Variants in CTNND2 observed in about 807,000 individuals in gnomAD.
The protein encoded by CTNND2 is catenin delta-2.
A neutral mutation model predicts 144.4 loss-of-function variants in CTNND2; 22 were observed. The observed-to-expected ratio is 0.15, with a 90% CI of 0.11 to 0.22. The LOEUF is 0.22. Among genes scored for constraint, CTNND2 ranks in the 10% least tolerant of loss-of-function variants. The pLI, the probability that CTNND2 is intolerant of heterozygous loss-of-function variation, is 1.00. For synonymous variants in CTNND2, 751 were observed against 695.6 expected (o/e 1.08, Z -1.25); for missense variants, 1,353 against 1,618.8 (o/e 0.84, Z 2.82).
chr5:11,887,586 A>G (rs1403587788), intron 1 of CTNND2, among the ~76,000 whole-genome samples: 1 of 152,144 alleles, frequency 6.6e-6, no homozygotes, highest in Non-Finnish European at 1.5e-5. Flanking sequence ...AATTTCTCCT[A>G]TTATAAGCAT....
At chr5:11,379,953 T>C (rs969564801) in intron 7 of CTNND2, among the ~76,000 whole-genome samples, 13 of 152,014 alleles carry the variant, frequency 8.6e-5, no homozygotes, top group African/African-American at 2.4e-4. Flanking sequence ...GAGCTGCCAG[T>C]TGTCTTCCCC....
chr5:11,759,639 T>A (rs959934890), intron 1 of CTNND2, among the ~76,000 whole-genome samples: 4 of 152,142 alleles, frequency 2.6e-5, no homozygotes, highest in Non-Finnish European at 4.4e-5. Flanking sequence ...ATGCTAAAGA[T>A]TATCTATACA....
chr5:11,796,671 T>C (rs1008483804), intron 1 of CTNND2, among the ~76,000 whole-genome samples: 9 of 152,192 alleles, frequency 5.9e-5, no homozygotes, highest in African/African-American at 2.2e-4. Flanking sequence ...GAAAATGAAA[T>C]AATATACTTA....
chr5:11,106,522 G>C (rs1021434590), intron 14 of CTNND2, among the ~76,000 whole-genome samples: 8 of 152,246 alleles, frequency 5.3e-5, no homozygotes, highest in Non-Finnish European at 8.8e-5. Context: ...AAAGTGGGCA[G>C]TGGGGGCTGT....
chr5:11,798,604 T>C (rs1316046934), intron 1 of CTNND2, among the ~76,000 whole-genome samples: 4 of 152,160 alleles, frequency 2.6e-5, no homozygotes, highest in Non-Finnish European at 4.4e-5. Context: ...CTGTCTTTAC[T>C]AAAAATACAA....
At chr5:11,774,248 G>T (rs1790113816) in intron 1 of CTNND2, among the ~76,000 whole-genome samples, 1 of 152,000 alleles carries the variant, frequency 6.6e-6, no homozygotes, top group African/African-American at 2.4e-5. Context: ...TGAGAATGAT[G>T]ATTTCCGATT....
chr5:11,764,041 T>C (rs2126810548), intron 1 of CTNND2, among the ~76,000 whole-genome samples: 1 of 152,268 alleles, frequency 6.6e-6, no homozygotes, highest in South Asian at 2.1e-4. Context: ...GTGGAGATTA[T>C]GCTGGATTAT....
intron 18 of CTNND2, among the ~76,000 whole-genome samples, chr5:11,007,162 C>T (rs1740569768): frequency 6.6e-6 from 1 of 152,044 alleles, no homozygotes; most frequent in Non-Finnish European, 1.5e-5. Context: ...ATTGAAGGTA[C>T]GAATGAATGT....
intron 7 of CTNND2, among the ~76,000 whole-genome samples, chr5:11,366,477 G>A (rs966973967): frequency 1.3e-5 from 2 of 152,178 alleles, no homozygotes; most frequent in East Asian, 1.9e-4. Context: ...ATAGCGCTCC[G>A]ATGAATGACA....
At chr5:11,787,350 A>G (rs1019456714) in intron 1 of CTNND2, among the ~76,000 whole-genome samples, 1 of 152,234 alleles carries the variant, frequency 6.6e-6, no homozygotes, top group Non-Finnish European at 1.5e-5. Context: ...CATAAATCAT[A>G]GGTAAAATAA....
intron 3 of CTNND2, among the ~76,000 whole-genome samples, chr5:11,513,211 C>T (rs955349769): frequency 2.0e-5 from 3 of 152,148 alleles, no homozygotes; most frequent in South Asian, 2.1e-4. Context: ...CAATGCATCC[C>T]TTCCATGAGC....
chr5:11,675,928 T>C (rs1253300132), intron 2 of CTNND2, among the ~76,000 whole-genome samples: 2 of 151,780 alleles, frequency 1.3e-5, no homozygotes, highest in Admixed American at 6.6e-5. Context: ...GAAGTTCTCA[T>C]GCTGTTTTCT....
chr5:11,859,498 C>T (rs1216158195), intron 1 of CTNND2, among the ~76,000 whole-genome samples: 1 of 151,922 alleles, frequency 6.6e-6, no homozygotes, highest in Non-Finnish European at 1.5e-5. Context: ...GTTCATGTAT[C>T]ATCTGGACCC....
At chr5:11,776,354 T>C (rs1378221235) in intron 1 of CTNND2, among the ~76,000 whole-genome samples, 1 of 152,160 alleles carries the variant, frequency 6.6e-6, no homozygotes, top group East Asian at 1.9e-4. Context: ...GTAAGATAGA[T>C]ACCCAACAAC....
At chr5:11,698,346 T>A (rs1785236624) in intron 2 of CTNND2, among the ~76,000 whole-genome samples, 2 of 151,696 alleles carry the variant, frequency 1.3e-5, no homozygotes, top group South Asian at 4.2e-4. Flanking sequence ...TGGAATGCAG[T>A]GGCGCGATCT....
At chr5:11,510,206 T>A (rs1771509373) in intron 3 of CTNND2, among the ~76,000 whole-genome samples, 1 of 152,184 alleles carries the variant, frequency 6.6e-6, no homozygotes, top group African/African-American at 2.4e-5. Flanking sequence ...CCTCCCAAAC[T>A]GTTGGGATTA....
At chr5:11,208,686 A>G (rs1738303968) in intron 10 of CTNND2, among the ~76,000 whole-genome samples, 1 of 152,184 alleles carries the variant, frequency 6.6e-6, no homozygotes, top group Admixed American at 6.5e-5. Flanking sequence ...CATAAAACAA[A>G]AAAGCACTAG....
At chr5:11,509,175 A>T (rs193240014) in intron 3 of CTNND2, among the ~76,000 whole-genome samples, 1 of 152,320 alleles carries the variant, frequency 6.6e-6, no homozygotes, top group Non-Finnish European at 1.5e-5. Context: ...AAAAAGGAAC[A>T]TGTTTCCAGA....
chr5:11,156,614 T>G, intron 12 of CTNND2, among the ~76,000 whole-genome samples: 1 of 152,226 alleles, frequency 6.6e-6, no homozygotes, highest in Non-Finnish European at 1.5e-5. Context: ...AAAGGAGTAC[T>G]GGAAAAACAA....
Sources: gnomAD v4.1 joint callset for allele counts (sites outside exome capture counted in the v4.1 genomes callset) on GRCh38, gnomAD v4.1.1 for gene constraint, MANE v1.5 for transcripts, NCBI Gene and HGNC (gene_info 2026-07-23, HGNC 2026-07-21) for gene names.